The following KCNK2 variants were observed in gnomAD, a reference collection of about 807,000 sequenced individuals.
The protein encoded by KCNK2 is potassium channel subfamily K member 2.
KCNK2 carries 21 observed loss-of-function variants against 40.5 expected under a neutral mutation model. The observed-to-expected ratio is 0.52, with a 90% CI of 0.37 to 0.75. The LOEUF (loss-of-function observed/expected upper bound fraction) is 0.75. KCNK2 is among the 30% of genes least tolerant of loss of function. The pLI is 0.00. For missense variants in KCNK2, 399 were observed against 531.6 expected (o/e 0.75, Z 2.45); for synonymous variants, 191 against 202.2 (o/e 0.94, Z 0.47).
At chr1:215,066,255 A>G (rs1185578250) in intron 1 of KCNK2, among the ~76,000 whole-genome samples, 1 of 152,180 alleles carries the variant, frequency 6.6e-6, no homozygotes, top group African/African-American at 2.4e-5. Context: ...CCCAGAACTT[A>G]AAGTACAATA....
At chr1:215,135,721 TTTTTA>T (rs1286937740) in intron 3 of KCNK2, among the ~76,000 whole-genome samples, 1 of 151,702 alleles carries the variant, frequency 6.6e-6, no homozygotes, top group African/African-American at 2.4e-5. Context: ...AACCAGTTAT[TTTTTA>T]TTTTATTTAT....
chr1:215,008,510 C>T (rs1186961567), intron 1 of KCNK2, among the ~76,000 whole-genome samples: 1 of 152,036 alleles, frequency 6.6e-6, no homozygotes, highest in Non-Finnish European at 1.5e-5. Flanking sequence ...TGACTTTGGG[C>T]AAATTACCTA....
chr1:215,050,747 C>T (rs1294548326), intron 1 of KCNK2, among the ~76,000 whole-genome samples: 1 of 152,136 alleles, frequency 6.6e-6, no homozygotes, highest in Non-Finnish European at 1.5e-5. Context: ...CCCCAGCAAA[C>T]TGAGATATAT....
At position 215,083,456 on chromosome 1, in the gene KCNK2, C is replaced by CA. The variant is rs766580620; in HGVS notation, c.46+26dup. On this transcript the variant is annotated intron_variant, in intron 1 of 6. Coordinates refer to ENST00000444842, the MANE Select transcript of KCNK2 (RefSeq NM_001017425.3). ...GGTGAGACCCCCCCTCCGGTACCCC[C>CA]ACCCCTCTGGCCGCACGCTCTCCTG... is the stretch of plus-strand genomic sequence containing the variant. 3.2e-6 allele frequency: 5 copies of CA among 1,554,466 alleles called. No homozygotes were observed. The South Asian group carries it at 4.5e-5, about 14-fold the overall frequency.
At chr1:215,063,222 C>T (rs545987329) in intron 1 of KCNK2, among the ~76,000 whole-genome samples, 1 of 152,246 alleles carries the variant, frequency 6.6e-6, no homozygotes, top group South Asian at 2.1e-4. Context: ...GAGAAACATG[C>T]AATTGAAGAA....
intron 1 of KCNK2, among the ~76,000 whole-genome samples, chr1:215,077,042 G>C (rs531168942): frequency 7.3e-4 from 111 of 152,314 alleles, no homozygotes; most frequent in African/African-American, 2.6e-3. Flanking sequence ...TCTTAGCATA[G>C]TAGCCTCCAA....
At chr1:215,217,011 C>T (rs1373644246) in intron 6 of KCNK2, among the ~76,000 whole-genome samples, 7 of 152,144 alleles carry the variant, frequency 4.6e-5, no homozygotes, top group Non-Finnish European at 5.9e-5. Flanking sequence ...TCTTTGCAAA[C>T]AGAAAGAAGA....
intron 6 of KCNK2, among the ~76,000 whole-genome samples, chr1:215,203,037 C>T (rs1490093194): frequency 1.4e-4 from 22 of 151,998 alleles, no homozygotes; most frequent in Non-Finnish European, 5.9e-5. Context: ...CTCCTTTCTC[C>T]TCCTTCTTTC....
intron 2 of KCNK2, among the ~76,000 whole-genome samples, chr1:215,101,538 G>C (rs1660218352): frequency 6.6e-6 from 1 of 151,950 alleles, no homozygotes; most frequent in South Asian, 2.1e-4. Context: ...CAGCTGTAGG[G>C]GATGAGGTGA....
intron 1 of KCNK2, among the ~76,000 whole-genome samples, chr1:215,048,379 C>G (rs550326400): frequency 8.5e-5 from 13 of 152,162 alleles, no homozygotes; most frequent in African/African-American, 3.1e-4. Context: ...CATGAGAACT[C>G]CAGTGGTGTG....
intron 6 of KCNK2, among the ~76,000 whole-genome samples, chr1:215,230,507 G>GTGTGTA (rs564184766): frequency 1.5e-5 from 1 of 65,580 alleles, no homozygotes; most frequent in African/African-American, 7.2e-5. Flanking sequence ...ACACACGGCT[G>GTGTGTA]TATATATATA....
chr1:215,232,965 G>C lies in KCNK2; in HGVS notation c.964-1863G>C, dbSNP rs796721035. Reference sequence around the variant, plus strand: ...GTAAGTGTGCATGAAATTTGTAGGAGCCAAATCCGAATGACTGGGTGCTAC... The same window carrying C: ...GTAAGTGTGCATGAAATTTGTAGGACCCAAATCCGAATGACTGGGTGCTAC... On this transcript the variant is annotated intron_variant, in intron 6 of 6. Coordinates refer to ENST00000444842, the MANE Select transcript of KCNK2 (RefSeq NM_001017425.3). Among the ~76,000 whole-genome samples, 3 of 152,212 alleles carry C rather than the reference G, an allele frequency of 2.0e-5. No homozygotes were observed. In the East Asian group the frequency reaches 5.8e-4, roughly 29 times the overall value.
chr1:215,116,033 G>A (rs1271801726), intron 2 of KCNK2, among the ~76,000 whole-genome samples: 2 of 149,442 alleles, frequency 1.3e-5, no homozygotes, highest in African/African-American at 2.5e-5. Context: ...AGTGTTTCAA[G>A]TTCAGCCCTT....
chr1:215,089,243 TGA>T (rs1240914156), intron 2 of KCNK2, among the ~76,000 whole-genome samples: 6 of 152,234 alleles, frequency 3.9e-5, no homozygotes, highest in Non-Finnish European at 1.5e-5. Flanking sequence ...ATCATTCGGA[TGA>T]GAGTTCAGAT....
intron 2 of KCNK2, among the ~76,000 whole-genome samples, chr1:215,112,835 A>G (rs1416153585): frequency 6.6e-6 from 1 of 152,184 alleles, no homozygotes; most frequent in Non-Finnish European, 1.5e-5. Context: ...GGTGTGCAGT[A>G]GGCTATCGCA....
At chr1:215,205,624 C>G (rs1262394470) in intron 6 of KCNK2, among the ~76,000 whole-genome samples, 1 of 152,158 alleles carries the variant, frequency 6.6e-6, no homozygotes, top group Non-Finnish European at 1.5e-5. Context: ...ATCATGGATG[C>G]CATGTCAGCC....
In KCNK2 at chr1:215,236,079, T is replaced by TCTATCTAA. The variant is rs1666875738; in HGVS notation, c.*941_*942insACTATCTA. The TCTATCTAA allele has an allele frequency of 6.6e-6, 1 of 150,900 alleles. No individual in the cohort carries two copies. Among genetic ancestry groups the TCTATCTAA allele is most frequent in the Admixed American group, 6.6e-5 (1 of 15,208 alleles). The allele number at this position is 150,900 out of a possible 1,614,324, so 9.3% of individuals were successfully genotyped here. On this transcript the variant is annotated 3_prime_UTR_variant, in exon 7 of 7. Transcript: ENST00000444842. ...ATCTATCTATCTATCTATCTATCTA[T>TCTATCTAA]CTATCTATCTATCTATCTAAATGAC...
chr1:215,228,437 G>C (rs915534116), intron 6 of KCNK2, among the ~76,000 whole-genome samples: 1 of 152,164 alleles, frequency 6.6e-6, no homozygotes, highest in Non-Finnish European at 1.5e-5. Flanking sequence ...TTTATATATA[G>C]CACTCCATTT....
intron 6 of KCNK2, among the ~76,000 whole-genome samples, chr1:215,221,072 C>G (rs990239793): frequency 1.3e-5 from 2 of 152,148 alleles, no homozygotes; most frequent in Non-Finnish European, 2.9e-5. Context: ...ACTTTTGACT[C>G]CTTAAAAAAC....
Sources: gnomAD v4.1 joint callset for allele counts (sites outside exome capture counted in the v4.1 genomes callset) on GRCh38, gnomAD v4.1.1 for gene constraint, MANE v1.5 for transcripts, NCBI Gene and HGNC (gene_info 2026-07-23, HGNC 2026-07-21) for gene names.